The following EYA1 variants were observed in gnomAD, a reference collection of about 807,000 sequenced individuals.
The protein encoded by EYA1 is EYA transcriptional coactivator and phosphatase 1.
Under a neutral mutation model 82.0 loss-of-function variants are expected in EYA1, and 16 were observed. That is an observed-to-expected ratio of 0.20 (90% CI 0.13 to 0.30). EYA1 has a LOEUF of 0.30. Among genes scored for constraint, EYA1 ranks in the 10% least tolerant of loss-of-function variants. The pLI, the probability that EYA1 is intolerant of heterozygous loss-of-function variation, is 1.00. For missense variants in EYA1, 633 were observed against 730.7 expected (o/e 0.87, Z 1.54); for synonymous variants, 261 against 264.4 (o/e 0.99, Z 0.12).
intron 11 of EYA1, among the ~76,000 whole-genome samples, chr8:71,254,399 C>T (rs6999901): frequency 6.6e-6 from 1 of 151,920 alleles, no homozygotes; most frequent in Non-Finnish European, 1.5e-5. Flanking sequence ...CTCCCAGGAA[C>T]TCTGTAGGAC....
chr8:71,500,463 C>A (rs1416581788), intron 2 of EYA1, among the ~76,000 whole-genome samples: 1 of 152,098 alleles, frequency 6.6e-6, no homozygotes. Context: ...ACTGCTTTGT[C>A]CTTTCACTCC....
chr8:71,331,285 C>CACATATAT (rs554459560), intron 4 of EYA1, among the ~76,000 whole-genome samples: 103 of 127,536 alleles, frequency 8.1e-4, no homozygotes, highest in African/African-American at 2.9e-3. Flanking sequence ...CACACACACA[C>CACATATAT]ATATATATAC....
At chr8:71,519,666 CA>C (rs71956106) in intron 2 of EYA1, among the ~76,000 whole-genome samples, 34,887 of 125,894 alleles carry the variant, frequency 0.28, 3,905 homozygotes, top group South Asian at 0.38. Flanking sequence ...TTGAAAATGG[CA>C]AAAAAAAAAA....
intron 1 of EYA1, among the ~76,000 whole-genome samples, chr8:71,542,640 C>G (rs1048771047): frequency 6.6e-6 from 1 of 152,232 alleles, no homozygotes; most frequent in African/African-American, 2.4e-5. Flanking sequence ...AATTGCCACA[C>G]TGTCTTCCAC....
chr8:71,412,858 T>G (rs1419725067), intron 2 of EYA1, among the ~76,000 whole-genome samples: 1 of 152,206 alleles, frequency 6.6e-6, no homozygotes, highest in Non-Finnish European at 1.5e-5. Flanking sequence ...AGTCTCACAT[T>G]TGATTTCAAG....
At chr8:71,284,205 C>T (rs1818130920) in intron 9 of EYA1, among the ~76,000 whole-genome samples, 1 of 152,210 alleles carries the variant, frequency 6.6e-6, no homozygotes. Context: ...AGGAGAGGGG[C>T]TGCCCACAAC....
intron 2 of EYA1, among the ~76,000 whole-genome samples, chr8:71,467,414 C>G (rs542452942): frequency 2.4e-4 from 36 of 152,046 alleles, no homozygotes; most frequent in African/African-American, 8.4e-4. Context: ...GTATTTTCTT[C>G]TAAGAAGGAA....
intron 2 of EYA1, among the ~76,000 whole-genome samples, chr8:71,465,698 A>G (rs1808720474): frequency 6.6e-6 from 1 of 152,174 alleles, no homozygotes; most frequent in Admixed American, 6.6e-5. Context: ...TATCTTTAAA[A>G]TACATAAATT....
chr8:71,293,825 A>G (rs1454068872), intron 9 of EYA1, among the ~76,000 whole-genome samples: 1 of 98,866 alleles, frequency 1.0e-5, no homozygotes, highest in Non-Finnish European at 2.5e-5. Context: ...ACTTACAGCT[A>G]ACATTATACT....
Position 71,304,384 on chromosome 8 carries a change from T to G in EYA1, c.557-4664A>C, listed in dbSNP as rs1820510312. Among the ~76,000 whole-genome samples, 2 of 142,854 alleles carry G rather than the reference T, an allele frequency of 1.4e-5. 1 individual carries two copies. The highest frequency in any genetic ancestry group is 4.5e-4 in the South Asian group (2 of 4,396). The allele number at this position is 142,854 out of a possible 152,430, so 93.7% of individuals were successfully genotyped here. ...GAACTGACGCTCTTAATCTCTATAG[T>G]AAATTGCATCTCAGAATGGCAAGGT... On this transcript the variant is annotated intron_variant, in intron 7 of 17. Coordinates refer to ENST00000340726, the MANE Select transcript of EYA1 (RefSeq NM_000503.6).
At chr8:71,445,168 G>T (rs1441280072) in intron 2 of EYA1, among the ~76,000 whole-genome samples, 1 of 152,146 alleles carries the variant, frequency 6.6e-6, no homozygotes, top group Non-Finnish European at 1.5e-5. Context: ...GAGTTTGGCT[G>T]AGTTCAGCTG....
At chr8:71,535,383 G>A (rs1234678347) in intron 2 of EYA1, among the ~76,000 whole-genome samples, 5 of 152,088 alleles carry the variant, frequency 3.3e-5, no homozygotes, top group African/African-American at 1.2e-4. Context: ...ACATGTAAAA[G>A]AATCCAAAAA....
At chr8:71,308,977 G>A (rs954086209) in intron 7 of EYA1, among the ~76,000 whole-genome samples, 5 of 152,156 alleles carry the variant, frequency 3.3e-5, no homozygotes, top group Admixed American at 1.3e-4. Context: ...CATCAAGCAC[G>A]ATCTATGTGG....
chr8:71,483,413 G>T (rs1026761828), intron 2 of EYA1, among the ~76,000 whole-genome samples: 1 of 152,082 alleles, frequency 6.6e-6, no homozygotes, highest in Non-Finnish European at 1.5e-5. Flanking sequence ...TCACAATCAG[G>T]TTTGCCACAC....
chr8:71,266,004 C>T (rs1815750781), intron 11 of EYA1, among the ~76,000 whole-genome samples: 2 of 152,184 alleles, frequency 1.3e-5, no homozygotes, highest in African/African-American at 4.8e-5. Context: ...GTGGGACATT[C>T]TCAAACTTTT....
chr8:71,276,933 G>T (rs1817243011), intron 9 of EYA1, among the ~76,000 whole-genome samples: 1 of 151,924 alleles, frequency 6.6e-6, no homozygotes, highest in Non-Finnish European at 1.5e-5. Context: ...ACATGTAAAG[G>T]TACTTGGAGC....
chr8:71,274,962 G>GAGTGAA (rs1816984224), intron 9 of EYA1, among the ~76,000 whole-genome samples: 1 of 152,270 alleles, frequency 6.6e-6, no homozygotes, highest in Admixed American at 6.5e-5. Flanking sequence ...GTGAACAAGC[G>GAGTGAA]CAAGCGCGTG....
intron 11 of EYA1, among the ~76,000 whole-genome samples, chr8:71,254,706 A>G (rs1187437482): frequency 6.6e-6 from 1 of 152,182 alleles, no homozygotes; most frequent in Non-Finnish European, 1.5e-5. Flanking sequence ...GTAACAAAAC[A>G]TAGAAGTTCT....
intron 2 of EYA1, among the ~76,000 whole-genome samples, chr8:71,468,291 A>G (rs1808922835): frequency 6.6e-6 from 1 of 151,142 alleles, no homozygotes; most frequent in African/African-American, 2.4e-5. Flanking sequence ...CCCACTCACT[A>G]CTCTCTCTCA....
Sources: allele counts gnomAD v4.1 joint callset (sites outside exome capture counted in the v4.1 genomes callset), GRCh38; gene constraint gnomAD v4.1.1; transcripts MANE v1.5; gene names NCBI Gene and HGNC (gene_info 2026-07-23, HGNC 2026-07-21).